Variants in SLC8A3 observed in about 807,000 individuals in gnomAD.
SLC8A3 encodes solute carrier family 8 member A3.
In SLC8A3, 37 loss-of-function variants were observed where a neutral mutation model predicts 65.4. The ratio of observed to expected loss-of-function variants is 0.57; its 90% confidence interval spans 0.44 to 0.74. SLC8A3 has a LOEUF of 0.74. Ranked by LOEUF, SLC8A3 falls within the 30% of genes least tolerant of loss-of-function variation. The probability of loss-of-function intolerance (pLI) is 0.00; values close to 1 mark genes in which losing one functional copy is unlikely to be tolerated. For missense variants in SLC8A3, 1,112 were observed against 1,172.1 expected (o/e 0.95, Z 0.75); for synonymous variants, 461 against 444.5 (o/e 1.04, Z -0.47).
chr14:70,055,729 G>T, intron 3 of SLC8A3: 2 of 1,361,742 alleles, frequency 1.5e-6, no homozygotes, highest in Non-Finnish European at 2.0e-6. Context: ...AAAGGACATT[G>T]GTCTTAAACC....
At chr14:70,115,144 C>T (rs1262758564) in intron 2 of SLC8A3, among the ~76,000 whole-genome samples, 1 of 152,106 alleles carries the variant, frequency 6.6e-6, no homozygotes, top group African/African-American at 2.4e-5. Context: ...GCTGAGGCCC[C>T]ACGAGAGGAG....
intron 2 of SLC8A3, among the ~76,000 whole-genome samples, chr14:70,125,760 T>A (rs1187633064): frequency 2.0e-5 from 3 of 151,962 alleles, no homozygotes; most frequent in Non-Finnish European, 4.4e-5. Flanking sequence ...CCTAGGGAGC[T>A]TTTTTTTAAA....
intron 2 of SLC8A3, among the ~76,000 whole-genome samples, chr14:70,128,647 G>T (rs916161793): frequency 6.6e-6 from 1 of 152,160 alleles, no homozygotes; most frequent in Non-Finnish European, 1.5e-5. Context: ...GAAGATATCC[G>T]AAGAAGCAAA....
In SLC8A3 at chr14:70,167,545, T is replaced by G; in HGVS notation, c.878A>C (p.Asn293Thr). The stretch of plus-strand genomic sequence containing the variant: ...CAGGTTCCCATCTAGAAAATGGGAA[T>G]TCATCATTTTCCCATCCATCTCAAT... ...KGIEMDGKMM[N>T]SHFLDGNLVP... Residue 293 changes from asparagine (N) to threonine (T), a missense_variant, in exon 2 of 7, where the codon AAT (asparagine) becomes ACT (threonine). By Grantham distance (65) the Asn-to-Thr change is moderately conservative (BLOSUM62 0). Transcript: ENST00000356921. The G allele has an allele frequency of 6.2e-7, 1 of 1,614,024 alleles. No homozygotes were observed. The highest frequency in any genetic ancestry group is 8.5e-7 in the Non-Finnish European group (1 of 1,180,006).
intron 1 of SLC8A3, among the ~76,000 whole-genome samples, chr14:70,176,981 C>T (rs1897946717): frequency 6.6e-6 from 1 of 152,224 alleles, no homozygotes; most frequent in African/African-American, 2.4e-5. Context: ...TTCATGCATG[C>T]ATGCATTTAT....
At chr14:70,149,416 G>C (rs1324262678) in intron 2 of SLC8A3, among the ~76,000 whole-genome samples, 1 of 152,206 alleles carries the variant, frequency 6.6e-6, no homozygotes, top group Non-Finnish European at 1.5e-5. Flanking sequence ...TTAAGAGCAG[G>C]GCCCTCCATG....
chr14:70,047,181 C>T (rs1483452187), intron 6 of SLC8A3: 1 of 152,148 alleles, frequency 6.6e-6, no homozygotes. Context: ...ATGTTGTTAG[C>T]TGTTGTCTTG....
intron 1 of SLC8A3, among the ~76,000 whole-genome samples, chr14:70,181,569 G>T (rs1185850506): frequency 1.3e-5 from 2 of 151,932 alleles, no homozygotes; most frequent in Admixed American, 6.6e-5. Flanking sequence ...TCTCCATAAA[G>T]CCTTCCCATC....
intron 2 of SLC8A3, among the ~76,000 whole-genome samples, chr14:70,116,355 G>GTGTA (rs1055199115): frequency 6.1e-5 from 9 of 147,408 alleles, no homozygotes; most frequent in African/African-American, 2.0e-4. Context: ...GTGTGTGTGT[G>GTGTA]TATGTGTGTG....
At chr14:70,086,954 G>A (rs770111625) in intron 2 of SLC8A3, among the ~76,000 whole-genome samples, 5 of 152,162 alleles carry the variant, frequency 3.3e-5, no homozygotes, top group Non-Finnish European at 7.3e-5. Context: ...TGTGCTGGAG[G>A]GAAACCGATG....
chr14:70,071,948 T>C (rs1890050651), intron 2 of SLC8A3, among the ~76,000 whole-genome samples: 1 of 152,164 alleles, frequency 6.6e-6, no homozygotes, highest in South Asian at 2.1e-4. Flanking sequence ...TGGTATCTAT[T>C]CTGGACCCTC....
At chr14:70,068,586 G>A (rs1319748716) in intron 2 of SLC8A3, among the ~76,000 whole-genome samples, 1 of 152,008 alleles carries the variant, frequency 6.6e-6, no homozygotes, top group African/African-American at 2.4e-5. Context: ...ACCTCACTAA[G>A]TTGCCCAGGC....
chr14:70,058,228 A>C (rs1363291553), intron 3 of SLC8A3, among the ~76,000 whole-genome samples: 1 of 152,222 alleles, frequency 6.6e-6, no homozygotes, highest in African/African-American at 2.4e-5. Context: ...CCCATGCAGT[A>C]GTGATAATGA....
At chr14:70,087,695 G>C (rs1891530688) in intron 2 of SLC8A3, among the ~76,000 whole-genome samples, 1 of 152,182 alleles carries the variant, frequency 6.6e-6, no homozygotes, top group Non-Finnish European at 1.5e-5. Context: ...TGCTGTAAGA[G>C]CTGTACAGGC....
chr14:70,128,337 G>A (rs1312872294), intron 2 of SLC8A3, among the ~76,000 whole-genome samples: 4 of 152,128 alleles, frequency 2.6e-5, no homozygotes, highest in African/African-American at 9.7e-5. Flanking sequence ...AACCTCTGTG[G>A]TTGCTTTATT....
At chr14:70,048,017 T>C (rs985947660) in intron 6 of SLC8A3, 2 of 152,590 alleles carry the variant, frequency 1.3e-5, no homozygotes, top group Admixed American at 6.5e-5. Flanking sequence ...GTATCTTGCC[T>C]TTCACTATAG....
At chr14:70,163,449 T>C (rs935478599) in intron 2 of SLC8A3, among the ~76,000 whole-genome samples, 1 of 152,160 alleles carries the variant, frequency 6.6e-6, no homozygotes, top group Non-Finnish European at 1.5e-5. Flanking sequence ...TCAACTTGAT[T>C]ATATTTAGGG....
At chr14:70,147,107 T>G (rs1391476237) in intron 2 of SLC8A3, among the ~76,000 whole-genome samples, 1 of 152,138 alleles carries the variant, frequency 6.6e-6, no homozygotes, top group Non-Finnish European at 1.5e-5. Context: ...TAATGAGGCG[T>G]GACTATTTGG....
chr14:70,131,159 A>G (rs983439905), intron 2 of SLC8A3, among the ~76,000 whole-genome samples: 5 of 152,200 alleles, frequency 3.3e-5, no homozygotes, highest in African/African-American at 1.2e-4. Flanking sequence ...AAGAGACTCC[A>G]AGAAGGCCAA....
Sources: allele counts gnomAD v4.1 joint callset (sites outside exome capture counted in the v4.1 genomes callset), GRCh38; gene constraint gnomAD v4.1.1; transcripts MANE v1.5; gene names NCBI Gene and HGNC (gene_info 2026-07-23, HGNC 2026-07-21).